ABCG2: variants seen among roughly 807,000 people sequenced by gnomAD.
ABCG2 encodes broad substrate specificity ATP-binding cassette transporter ABCG2.
ABCG2 carries 80 observed loss-of-function variants against 73.5 expected under a neutral mutation model. The observed-to-expected ratio is 1.09, with a 90% confidence interval of 0.91 to 1.31. ABCG2 has a LOEUF of 1.31. Among genes scored for constraint, ABCG2 ranks in the 50% most tolerant of loss-of-function variants. The pLI is 0.00. For synonymous variants in ABCG2, 269 were observed against 282.4 expected, an observed-to-expected ratio of 0.95 and a Z score of 0.48; for missense variants, 796 against 786.2, an observed-to-expected ratio of 1.01 and a Z score of -0.15.
intron 11 of ABCG2, among the ~76,000 whole-genome samples, chr4:88,100,710 C>A (rs925348126): frequency 1.3e-5 from 2 of 152,098 alleles, no homozygotes; most frequent in African/African-American, 4.8e-5. Context: ...CTGCTCTTTA[C>A]TGTAAGAATG....
chr4:88,222,107 G>A (rs1448088018), intron 1 of ABCG2, among the ~76,000 whole-genome samples: 1 of 152,186 alleles, frequency 6.6e-6, no homozygotes, highest in African/African-American at 2.4e-5. Context: ...TGGCTAAAGG[G>A]GCCAACGTAT....
intron 1 of ABCG2, among the ~76,000 whole-genome samples, chr4:88,172,714 T>G (rs543442251): frequency 2.0e-4 from 31 of 152,346 alleles, no homozygotes; most frequent in African/African-American, 7.5e-4. Flanking sequence ...TACAAATTCT[T>G]AGAGGAGGCT....
intron 1 of ABCG2, among the ~76,000 whole-genome samples, chr4:88,189,683 G>T (rs1352765275): frequency 1.3e-5 from 2 of 152,256 alleles, no homozygotes; most frequent in Middle Eastern, 3.4e-3. Flanking sequence ...TACAACATCT[G>T]TGAACAGAAA....
At chr4:88,159,333 G>A (rs751588918), upstream of ABCG2, 35 of 400,250 alleles carry the variant, frequency 8.7e-5, no homozygotes, top group Non-Finnish European at 1.5e-4. Context: ...GGTGGTTTCT[G>A]GTGAATGGGA....
chr4:88,097,556 A>G lies in ABCG2; in HGVS notation c.1544T>C (p.Met515Thr). The change falls in exon 13 of 16, where the codon ATG becomes ACG. Residue 515 changes from methionine to threonine, a missense_variant. Transcript: ENST00000237612. ...AFFVMMFTLM[M>T]VAYSASSMAL... ...CATGGAACTGGCTGAATAAGCCACC[A>G]TCATAAGGGTAAACATCATAACGAA... The G allele has an allele frequency of 1.2e-6, 2 of 1,614,208 alleles. No homozygotes were observed. Among genetic ancestry groups the G allele is most frequent in the East Asian group, 2.2e-5 (1 of 44,886 alleles).
chr4:88,101,164 G>C, intron 11 of ABCG2, 66 bp downstream of exon 11: 1 of 1,392,710 alleles, frequency 7.2e-7, no homozygotes, highest in Non-Finnish European at 1.0e-6. Context: ...AACCCCAGAT[G>C]TAATCAGTCT....
intron 1 of ABCG2, among the ~76,000 whole-genome samples, chr4:88,225,002 G>A (rs1730151592): frequency 6.6e-6 from 1 of 152,226 alleles, no homozygotes; most frequent in South Asian, 2.1e-4. Flanking sequence ...CCGTGTGTGA[G>A]GGTTTATTTC....
At chr4:88,208,576 GA>G (rs1364053651) in intron 1 of ABCG2, among the ~76,000 whole-genome samples, 1 of 152,186 alleles carries the variant, frequency 6.6e-6, no homozygotes, top group African/African-American at 2.4e-5. Flanking sequence ...TCAGTTAACT[GA>G]TAACTGGGGA....
upstream of ABCG2, among the ~76,000 whole-genome samples, chr4:88,160,840 C>G: frequency 7.6e-6 from 1 of 131,944 alleles, no homozygotes; most frequent in Non-Finnish European, 1.6e-5. Context: ...CAACGTGAGA[C>G]TCCATCTCAA....
intron 5 of ABCG2, among the ~76,000 whole-genome samples, chr4:88,125,921 A>G (rs888393902): frequency 6.6e-6 from 1 of 152,150 alleles, no homozygotes; most frequent in Non-Finnish European, 1.5e-5. Flanking sequence ...AAGACAAGAA[A>G]TAACTAATAT....
rs1722754846 is a variant in ABCG2, at chr4:88,106,158, G to C, written c.1277+1026C>G. Among the ~76,000 whole-genome samples the C allele has an allele frequency of 3.3e-5, 5 of 152,130 alleles. No individual in the cohort carries two copies. The South Asian group carries it at 1.0e-3, about 32-fold the overall frequency. On this transcript the variant is annotated intron_variant, in intron 10 of 15. Coordinates refer to ENST00000237612, the MANE Select transcript of ABCG2 (RefSeq NM_004827.3). ...GTTTTTTTTGTTTGTTTTTTTAAGA[G>C]ACAGGGTCGAACTCTGTCACCCAGG... is the stretch of plus-strand genomic sequence containing the variant.
chr4:88,167,300 C>T (rs572690863), intron 1 of ABCG2, among the ~76,000 whole-genome samples: 2 of 152,032 alleles, frequency 1.3e-5, no homozygotes, highest in South Asian at 4.2e-4. Flanking sequence ...GCATTTCTTC[C>T]CATGTGGCCC....
intron 1 of ABCG2, among the ~76,000 whole-genome samples, chr4:88,141,449 T>A (rs1476666718): frequency 1.3e-5 from 2 of 152,176 alleles, no homozygotes; most frequent in African/African-American, 2.4e-5. Flanking sequence ...GAGCAGATAT[T>A]TCAGCAGTCT....
chr4:88,114,645 T>A (rs79467534), intron 8 of ABCG2, among the ~76,000 whole-genome samples: 2 of 148,856 alleles, frequency 1.3e-5, no homozygotes, highest in Non-Finnish European at 3.0e-5. Context: ...AAAAAAAAAA[T>A]CTGGTTGTTG....
chr4:88,196,775 C>G (rs1486352903), intron 1 of ABCG2, among the ~76,000 whole-genome samples: 1 of 146,674 alleles, frequency 6.8e-6, no homozygotes, highest in African/African-American at 2.5e-5. Context: ...TGCTCTTACA[C>G]TGAAGATTAC....
chr4:88,176,776 G>A (rs1407100456), intron 1 of ABCG2, among the ~76,000 whole-genome samples: 1 of 149,206 alleles, frequency 6.7e-6, no homozygotes, highest in Non-Finnish European at 1.5e-5. Flanking sequence ...ATAGGTATAA[G>A]CCACTGTACC....
At position 88,207,755 on chromosome 4, in the gene ABCG2, G is replaced by C. The variant is rs190112621; in HGVS notation, c.-20+23239C>G. Among the ~76,000 whole-genome samples, 399 of 152,100 alleles carry C rather than the reference G, an allele frequency of 2.6e-3. 2 individuals are homozygous for C. Among genetic ancestry groups the C allele is most frequent in the African/African-American group, 8.4e-3 (350 of 41,492 alleles). ...AGACGAGGTCCCACTATGTTATGCA[G>C]GCTAGTCTCGAACTCCTGAGCTCAA... On this transcript the variant is annotated intron_variant, in intron 1 of 15. Coordinates refer to the ABCG2 transcript ENST00000515655.
chr4:88,097,437 C>G lies in ABCG2; in HGVS notation c.1647+16G>C. ...AAAAACAATTCCTTATCAGAGCAAA[C>G]ACAGTTCAGACTCACCATCATAAAC... On this transcript the variant is annotated intron_variant, in intron 13 of 15. Coordinates refer to ENST00000237612, the MANE Select transcript of ABCG2 (RefSeq NM_004827.3). The G allele has an allele frequency of 6.2e-7, 1 of 1,612,076 alleles. No individual in the cohort carries two copies. The highest frequency in any genetic ancestry group is 8.5e-7 in the Non-Finnish European group (1 of 1,179,344).
At chr4:88,125,768 A>C (rs1192503947) in intron 5 of ABCG2, among the ~76,000 whole-genome samples, 2 of 152,148 alleles carry the variant, frequency 1.3e-5, no homozygotes, top group African/African-American at 2.4e-5. Flanking sequence ...AATCTCTGGG[A>C]CATAACTAAA....
Sources: allele counts gnomAD v4.1 joint callset (sites outside exome capture counted in the v4.1 genomes callset), GRCh38; gene constraint gnomAD v4.1.1; transcripts MANE v1.5; gene names NCBI Gene and HGNC (gene_info 2026-07-23, HGNC 2026-07-21).